Variants in KCNK12 observed in about 807,000 individuals in gnomAD.
KCNK12 encodes potassium two pore domain channel subfamily K member 12.
Under a neutral mutation model 25.3 loss-of-function variants are expected in KCNK12, and 6 were observed. That is an observed-to-expected ratio of 0.24 (90% CI 0.13 to 0.47). The LOEUF (loss-of-function observed/expected upper bound fraction) is 0.47, where lower values mean the gene tolerates loss of function less well. Ranked by LOEUF, KCNK12 falls within the 20% of genes least tolerant of loss-of-function variation. KCNK12 has a pLI of 0.99. For synonymous variants in KCNK12, 331 were observed against 311.1 expected (o/e 1.06, Z -0.67); for missense variants, 444 against 661.7 (o/e 0.67, Z 3.61).
chr2:47,510,291 C>A lies in KCNK12; in HGVS notation c.*10616G>T, dbSNP rs1668370113. The A allele has an allele frequency of 6.6e-6, 1 of 152,146 alleles. No homozygotes were observed. The highest frequency in any genetic ancestry group is 1.5e-5 in the Non-Finnish European group (1 of 68,018). 9.4% of individuals were successfully genotyped at this position (152,146 alleles called of 1,614,324 possible). A position where few individuals can be genotyped will look rare whatever the true frequency, so the allele number is the denominator to read the frequency against. On this transcript the variant is annotated 3_prime_UTR_variant, in exon 2 of 2. Coordinates refer to ENST00000327876, the MANE Select transcript of KCNK12 (RefSeq NM_022055.2). ...GATGGCATCACTGTCACTGCGCTAG[C>A]CCCAGACCACCTGCTCCAGAGTTCT...
At chr2:47,567,428 G>C (rs1462886830) in intron 1 of KCNK12, among the ~76,000 whole-genome samples, 6 of 152,186 alleles carry the variant, frequency 3.9e-5, no homozygotes, top group Admixed American at 3.9e-4. Context: ...TAAGAGAAAG[G>C]AACTATGTAA....
Position 47,555,428 on chromosome 2 carries a change from A to G in KCNK12, c.391+14513T>C, listed in dbSNP as rs952494267. Among the ~76,000 whole-genome samples, 1 of 152,200 alleles carries G rather than the reference A, an allele frequency of 6.6e-6. No individual in the cohort carries two copies. Among genetic ancestry groups the G allele is most frequent in the Non-Finnish European group, 1.5e-5 (1 of 68,034 alleles). ...ACTGGGGACCCCACTGTCACTCTAGAGATTTTACAAGATTGAGTCTGCATA... is the reference window on the plus strand; with the variant it reads ...ACTGGGGACCCCACTGTCACTCTAGGGATTTTACAAGATTGAGTCTGCATA... On this transcript the variant is annotated intron_variant, in intron 1 of 1. Transcript: ENST00000327876. The surrounding 1 kb of genome is among the most constrained non-coding windows in gnomAD (Gnocchi z 4.5).
intron 1 of KCNK12, among the ~76,000 whole-genome samples, chr2:47,558,120 C>T (rs1464878877): frequency 6.6e-6 from 1 of 152,212 alleles, no homozygotes; most frequent in East Asian, 1.9e-4. Flanking sequence ...TACATTGATT[C>T]TGAAAATATT....
At chr2:47,558,714 C>T (rs552358080) in intron 1 of KCNK12, among the ~76,000 whole-genome samples, 2 of 152,302 alleles carry the variant, frequency 1.3e-5, no homozygotes, top group East Asian at 1.9e-4. Flanking sequence ...ACGCGGAGTG[C>T]GATTCGGAGT....
chr2:47,561,476 C>G (rs1487755845), intron 1 of KCNK12, among the ~76,000 whole-genome samples: 2 of 152,306 alleles, frequency 1.3e-5, no homozygotes, highest in East Asian at 3.9e-4. Flanking sequence ...CAGAGTGCAG[C>G]AGGTGCCACA....
chr2:47,546,382 C>T (rs1486852101), intron 1 of KCNK12, among the ~76,000 whole-genome samples: 1 of 152,266 alleles, frequency 6.6e-6, no homozygotes, highest in Non-Finnish European at 1.5e-5. Context: ...ACTGAAAGTA[C>T]ATGTAACTTC....
chr2:47,563,181 A>G (rs1469173922), intron 1 of KCNK12: 1 of 233,328 alleles, frequency 4.3e-6, no homozygotes, highest in East Asian at 6.0e-5. Context: ...AGGAGTTTTT[A>G]CCCAAAGCCC....
In KCNK12 at chr2:47,560,208, G is replaced by A. The variant is rs899559750; in HGVS notation, c.391+9733C>T. Among the ~76,000 whole-genome samples, 2 of 152,186 alleles carry A rather than the reference G, an allele frequency of 1.3e-5. No homozygotes were observed. Among genetic ancestry groups the A allele is most frequent in the Non-Finnish European group, 2.9e-5 (2 of 68,032 alleles). Reference sequence around the variant, plus strand: ...AGCTGTTTCCAGTGCAAGGCTGAGGGTTCTCAGGTCTGGGCGGGAGCTCGG... The same window carrying A: ...AGCTGTTTCCAGTGCAAGGCTGAGGATTCTCAGGTCTGGGCGGGAGCTCGG... On this transcript the variant is annotated intron_variant, in intron 1 of 1. Transcript: ENST00000327876. This position sits in a 1 kb window ranked among gnomAD's most constrained non-coding sequence, Gnocchi z 4.7.
chr2:47,510,749 A>G lies in KCNK12; in HGVS notation c.*10158T>C, dbSNP rs1192689137. On this transcript the variant is annotated 3_prime_UTR_variant, in exon 2 of 2. Coordinates refer to ENST00000327876, the MANE Select transcript of KCNK12 (RefSeq NM_022055.2). ...GCAGACAAGATGGTGTACAGGAGAA[A>G]CAGGTCTATTAACCCTGGTATTAAT... is the stretch of plus-strand genomic sequence containing the variant. 2.0e-5 allele frequency: 3 copies of G among 152,218 alleles called. No individual in the cohort carries two copies. The highest frequency in any genetic ancestry group is 4.4e-5 in the Non-Finnish European group (3 of 68,042). 9.4% of individuals were successfully genotyped at this position (152,218 alleles called of 1,614,324 possible).
chr2:47,545,079 C>T (rs552695501), intron 1 of KCNK12, among the ~76,000 whole-genome samples: 45 of 152,234 alleles, frequency 3.0e-4, no homozygotes, highest in African/African-American at 1.1e-3. Flanking sequence ...GGCAGAGTCT[C>T]ACCGTCTGGG....
At chr2:47,530,407 T>C (rs1191053469) in intron 1 of KCNK12, among the ~76,000 whole-genome samples, 1 of 152,114 alleles carries the variant, frequency 6.6e-6, no homozygotes, top group African/African-American at 2.4e-5. Flanking sequence ...GCCATCTCCA[T>C]GTCACACCCC....
At position 47,513,701 on chromosome 2, in the gene KCNK12, G is replaced by C. The variant is rs1039955316; in HGVS notation, c.*7206C>G. Among the ~76,000 whole-genome samples, 2 of 152,074 alleles carry C rather than the reference G, an allele frequency of 1.3e-5. No individual in the cohort carries two copies. Among genetic ancestry groups the C allele is most frequent in the Non-Finnish European group, 2.9e-5 (2 of 67,988 alleles). ...CTTCATTGAACTCATCACCTCTTCT[G>C]TTCCTCCTCCTGGGTTCCCAGGCTC... On this transcript the variant is annotated 3_prime_UTR_variant, in exon 2 of 2. Coordinates refer to ENST00000327876, the MANE Select transcript of KCNK12 (RefSeq NM_022055.2).
At position 47,548,626 on chromosome 2, in the gene KCNK12, G is replaced by A. The variant is rs1669362721; in HGVS notation, c.391+21315C>T. Among the ~76,000 whole-genome samples the A allele has an allele frequency of 6.6e-6, 1 of 152,176 alleles. No individual in the cohort carries two copies. The highest frequency in any genetic ancestry group is 1.5e-5 in the Non-Finnish European group (1 of 68,042). On this transcript the variant is annotated intron_variant, in intron 1 of 1. Transcript: ENST00000327876. The surrounding 1 kb of genome is among the most constrained non-coding windows in gnomAD (Gnocchi z 4.4). The stretch of plus-strand genomic sequence containing the variant: ...CACACTGACTTTCGCTTCAGGCCAC[G>A]AGGGCGTAGCTGAATCCAGACTTCC...
At chr2:47,541,475 C>T (rs557988203) in intron 1 of KCNK12, among the ~76,000 whole-genome samples, 1 of 152,044 alleles carries the variant, frequency 6.6e-6, no homozygotes, top group African/African-American at 2.4e-5. Flanking sequence ...TAGGAATGTT[C>T]TGATGAGTTT....
rs1037634905 is a variant in KCNK12, at chr2:47,566,032, C to T, written c.391+3909G>A. The T allele has an allele frequency of 1.3e-5, 2 of 152,152 alleles. No homozygotes were observed. Among genetic ancestry groups the T allele is most frequent in the African/African-American group, 2.4e-5 (1 of 41,432 alleles). 9.4% of individuals were successfully genotyped at this position (152,152 alleles called of 1,614,324 possible). On this transcript the variant is annotated intron_variant, in intron 1 of 1. Transcript: ENST00000327876. The surrounding 1 kb of genome is among the most constrained non-coding windows in gnomAD (Gnocchi z 4.1). ...CATAAATGGGAGAAATAATAATTAC[C>T]CAGGATTTCAGTTCAGTGTAAGCAA...
intron 1 of KCNK12, among the ~76,000 whole-genome samples, chr2:47,531,659 G>A (rs148622167): frequency 3.3e-5 from 5 of 152,266 alleles, no homozygotes; most frequent in African/African-American, 1.2e-4. Context: ...TGGAGCAGGG[G>A]AATCTGTGGA....
chr2:47,562,046 T>C lies in KCNK12; in HGVS notation c.391+7895A>G, dbSNP rs1358180716. ...AGCCAGTTAGTGGCAGAGCCAGGTC[T>C]AGACTCCTAGTGCCTGACTCACCGC... On this transcript the variant is annotated intron_variant, in intron 1 of 1. Transcript: ENST00000327876. This position sits in a 1 kb window ranked among gnomAD's most constrained non-coding sequence, Gnocchi z 4.8. 2.5e-6 allele frequency: 1 copy of C among 398,518 alleles called. No homozygotes were observed. Among genetic ancestry groups the C allele is most frequent in the African/African-American group, 2.1e-5 (1 of 48,630 alleles). The allele number at this position is 398,518 out of a possible 1,614,324, so 24.7% of individuals were successfully genotyped here.
chr2:47,548,659 C>A lies in KCNK12; in HGVS notation c.391+21282G>T, dbSNP rs762315024. 6.6e-6 allele frequency among the ~76,000 whole-genome samples: 1 copy of A among 152,204 alleles called. No individual in the cohort carries two copies. Among genetic ancestry groups the A allele is most frequent in the Non-Finnish European group, 1.5e-5 (1 of 68,050 alleles). ...AGCTGAATCCAGACTTCCCTCCCAC[C>A]ATAATCAACCAGGAAACCGGAAAAA... On this transcript the variant is annotated intron_variant, in intron 1 of 1. Transcript: ENST00000327876. This position sits in a 1 kb window ranked among gnomAD's most constrained non-coding sequence, Gnocchi z 4.4.
rs1015873586 is a variant in KCNK12 at position 47,517,741 on chromosome 2, A to C, written c.*3166T>G. 9 of 152,098 alleles carry C rather than the reference A, an allele frequency of 5.9e-5. No individual in the cohort carries two copies. The highest frequency in any genetic ancestry group is 2.2e-4 in the African/African-American group (9 of 41,420). 9.4% of individuals were successfully genotyped at this position (152,098 alleles called of 1,614,324 possible). ...ATTCAGAGGACACAAAGGCCTGACC[A>C]CCTGGCTTTAGCAAGCTAGGACACC... On this transcript the variant is annotated 3_prime_UTR_variant, in exon 2 of 2. Coordinates refer to ENST00000327876, the MANE Select transcript of KCNK12 (RefSeq NM_022055.2). The surrounding 1 kb of genome is among the most constrained non-coding windows in gnomAD (Gnocchi z 4.1).
Sources: allele counts gnomAD v4.1 joint callset (sites outside exome capture counted in the v4.1 genomes callset), GRCh38; gene constraint gnomAD v4.1.1; non-coding constraint Gnocchi (gnomAD v3.1); transcripts MANE v1.5; gene names NCBI Gene and HGNC (gene_info 2026-07-23, HGNC 2026-07-21).